Variants in MSI2 observed in about 807,000 individuals in gnomAD.
MSI2 encodes the protein RNA-binding protein Musashi homolog 2.
A neutral mutation model predicts 45.6 loss-of-function variants in MSI2; 17 were observed. The ratio of observed to expected loss-of-function variants is 0.37; its 90% CI spans 0.26 to 0.56. The LOEUF is 0.56. Among genes scored for constraint, MSI2 ranks in the 20% least tolerant of loss-of-function variants. MSI2 has a pLI of 0.77. For missense variants in MSI2, 293 were observed against 444.2 expected, an observed-to-expected ratio of 0.66 and a Z score of 3.06; for synonymous variants, 156 against 158.2, an observed-to-expected ratio of 0.99 and a Z score of 0.11.
chr17:57,624,373 A>C (rs1908597249), intron 9 of MSI2, among the ~76,000 whole-genome samples: 1 of 152,226 alleles, frequency 6.6e-6, no homozygotes, highest in Non-Finnish European at 1.5e-5. Flanking sequence ...ATCTAGTACA[A>C]GATCTGATTT....
At chr17:57,316,393 T>C (rs906540190) in intron 5 of MSI2, among the ~76,000 whole-genome samples, 3 of 151,524 alleles carry the variant, frequency 2.0e-5, no homozygotes, top group Non-Finnish European at 4.4e-5. Flanking sequence ...AGTGGCATGA[T>C]CATGGCTCAC....
chr17:57,398,519 A>G (rs2083931340), intron 5 of MSI2, among the ~76,000 whole-genome samples: 1 of 152,246 alleles, frequency 6.6e-6, no homozygotes, highest in Non-Finnish European at 1.5e-5. Context: ...AGTGGAAGAC[A>G]ATAGGACAGT....
intron 7 of MSI2, among the ~76,000 whole-genome samples, chr17:57,554,084 C>T (rs2087371961): frequency 6.6e-6 from 1 of 152,116 alleles, no homozygotes; most frequent in Admixed American, 6.5e-5. Flanking sequence ...CTCTGCACTC[C>T]TTCCTGCTCC....
intron 6 of MSI2, among the ~76,000 whole-genome samples, chr17:57,525,574 C>T (rs1598364933): frequency 6.6e-6 from 1 of 152,182 alleles, no homozygotes; most frequent in East Asian, 1.9e-4. Context: ...TAGACATGAG[C>T]CAGCATATCC....
intron 9 of MSI2, among the ~76,000 whole-genome samples, chr17:57,624,074 G>A (rs990640314): frequency 1.3e-5 from 2 of 152,164 alleles, no homozygotes; most frequent in African/African-American, 4.8e-5. Context: ...CTTCTTTCTC[G>A]TTGAAGCCTT....
the MSI2 span, among the ~76,000 whole-genome samples, chr17:57,690,295 G>A: frequency 9.2e-5 from 14 of 151,778 alleles, no homozygotes; most frequent in Admixed American, 2.0e-4. Flanking sequence ...TGAAGTACTT[G>A]CTCAAATCTT....
intron 5 of MSI2, among the ~76,000 whole-genome samples, chr17:57,357,512 G>A (rs11652270): frequency 0.15 from 23,068 of 152,118 alleles, 1,827 homozygotes; most frequent in Non-Finnish European, 0.16. Context: ...TCTTGGCACC[G>A]CTGGGTCGTG....
intron 8 of MSI2, among the ~76,000 whole-genome samples, chr17:57,599,321 C>T (rs1190573159): frequency 2.0e-5 from 3 of 152,088 alleles, no homozygotes; most frequent in African/African-American, 7.2e-5. Context: ...ATCCAGAGAG[C>T]GAAGGAGCAT....
intron 6 of MSI2, among the ~76,000 whole-genome samples, chr17:57,525,958 G>A (rs1160525357): frequency 1.3e-5 from 2 of 152,196 alleles, no homozygotes; most frequent in Non-Finnish European, 2.9e-5. Context: ...CGGGCACAGT[G>A]GCTCACACCT....
At chr17:57,276,839 G>A (rs1288207767) in intron 5 of MSI2, among the ~76,000 whole-genome samples, 1 of 151,956 alleles carries the variant, frequency 6.6e-6, no homozygotes, top group African/African-American at 2.4e-5. Flanking sequence ...TTTTTGTGCC[G>A]AGGCTCAAGG....
At chr17:57,541,931 A>G (rs2087056117) in intron 7 of MSI2, among the ~76,000 whole-genome samples, 1 of 151,954 alleles carries the variant, frequency 6.6e-6, no homozygotes, top group South Asian at 2.1e-4. Context: ...CTAGCACCCT[A>G]GGCAAAGCTG....
chr17:57,656,273 C>G (rs1911582217), intron 11 of MSI2, among the ~76,000 whole-genome samples: 1 of 152,236 alleles, frequency 6.6e-6, no homozygotes, highest in Non-Finnish European at 1.5e-5. Flanking sequence ...GCCTTCCTCA[C>G]TGAGGTCTCT....
At chr17:57,400,981 T>C (rs901078026) in intron 5 of MSI2, among the ~76,000 whole-genome samples, 12 of 152,194 alleles carry the variant, frequency 7.9e-5, no homozygotes, top group African/African-American at 2.4e-4. Flanking sequence ...ATCGTGTGCA[T>C]TTCTTATTGA....
At chr17:57,436,041 A>G (rs528836607) in intron 6 of MSI2, among the ~76,000 whole-genome samples, 1 of 152,316 alleles carries the variant, frequency 6.6e-6, no homozygotes, top group South Asian at 2.1e-4. Flanking sequence ...AGCTCTTGGA[A>G]TGAATGCATG....
At chr17:57,434,877 A>G (rs894723460) in intron 6 of MSI2, among the ~76,000 whole-genome samples, 16 of 152,070 alleles carry the variant, frequency 1.1e-4, no homozygotes, top group Non-Finnish European at 2.4e-4. Context: ...AGGCCAGCCA[A>G]TTTTGATTGA....
intron 6 of MSI2, among the ~76,000 whole-genome samples, chr17:57,423,496 C>A (rs963275486): frequency 7.9e-5 from 12 of 152,182 alleles, no homozygotes; most frequent in African/African-American, 2.7e-4. Context: ...GCATTCTATT[C>A]TGTTGGCCAG....
chr17:57,412,733 G>A (rs1033023722), intron 6 of MSI2, among the ~76,000 whole-genome samples: 1 of 152,204 alleles, frequency 6.6e-6, no homozygotes, highest in Non-Finnish European at 1.5e-5. Context: ...ACAAAAGTCA[G>A]GAGGCTGCTG....
intron 6 of MSI2, among the ~76,000 whole-genome samples, chr17:57,502,526 T>C (rs1386006206): frequency 6.7e-6 from 1 of 149,204 alleles, no homozygotes; most frequent in Non-Finnish European, 1.5e-5. Flanking sequence ...ACAGTAATTG[T>C]GTAATAAGAA....
chr17:57,458,736 T>A (rs1479102993), intron 6 of MSI2, among the ~76,000 whole-genome samples: 2 of 152,216 alleles, frequency 1.3e-5, no homozygotes, highest in African/African-American at 4.8e-5. Context: ...ATAATTGCCC[T>A]CTTAATTGCT....
Sources: gnomAD v4.1 joint callset for allele counts (sites outside exome capture counted in the v4.1 genomes callset) on GRCh38, gnomAD v4.1.1 for gene constraint, MANE v1.5 for transcripts, NCBI Gene and HGNC (gene_info 2026-07-23, HGNC 2026-07-21) for gene names.